The following CWC27 variants were observed in gnomAD, a reference collection of about 807,000 sequenced individuals.
CWC27 encodes spliceosome-associated protein CWC27 homolog.
CWC27 carries 47 observed loss-of-function variants against 63.6 expected under a neutral mutation model. The ratio of observed to expected loss-of-function variants is 0.74; its 90% CI spans 0.58 to 0.94. The LOEUF is 0.94. Among genes scored for constraint, CWC27 ranks in the 40% least tolerant of loss-of-function variants. CWC27 has a pLI of 0.00. For missense variants in CWC27, 495 were observed against 554.3 expected, an observed-to-expected ratio of 0.89 and a Z score of 1.07; for synonymous variants, 175 against 179.8, an observed-to-expected ratio of 0.97 and a Z score of 0.22.
intron 11 of CWC27, among the ~76,000 whole-genome samples, chr5:64,928,538 T>C (rs1307282775): frequency 6.6e-6 from 1 of 152,132 alleles, no homozygotes; most frequent in Non-Finnish European, 1.5e-5. Context: ...TTTTTTATTC[T>C]TTGTAAGTAA....
chr5:64,794,928 C>G (rs926560663), intron 7 of CWC27, among the ~76,000 whole-genome samples: 2 of 152,112 alleles, frequency 1.3e-5, no homozygotes, highest in African/African-American at 4.8e-5. Context: ...AAAAGTATCT[C>G]AATAGCTAGA....
intron 10 of CWC27, among the ~76,000 whole-genome samples, chr5:64,863,986 T>G (rs1746477958): frequency 6.6e-6 from 1 of 152,216 alleles, no homozygotes; most frequent in African/African-American, 2.4e-5. Flanking sequence ...ATTTATTATC[T>G]TGCATTCATC....
chr5:64,896,628 A>G (rs1295634818), intron 11 of CWC27, among the ~76,000 whole-genome samples: 1 of 151,970 alleles, frequency 6.6e-6, no homozygotes, highest in Non-Finnish European at 1.5e-5. Flanking sequence ...CTAACAGGAT[A>G]AGGAAGGGTC....
At chr5:64,856,580 G>C (rs574889668) in intron 10 of CWC27, among the ~76,000 whole-genome samples, 6 of 151,752 alleles carry the variant, frequency 4.0e-5, no homozygotes, top group Non-Finnish European at 8.8e-5. Flanking sequence ...TGACATTTTG[G>C]AATAAGAAAT....
At chr5:65,001,492 T>G (rs1749731222) in intron 13 of CWC27, among the ~76,000 whole-genome samples, 1 of 152,124 alleles carries the variant, frequency 6.6e-6, no homozygotes, top group South Asian at 2.1e-4. Flanking sequence ...GGTATGCTCC[T>G]TCCGTGCCTA....
intron 10 of CWC27, chr5:64,807,999 CT>C: frequency 7.2e-7 from 1 of 1,389,110 alleles, no homozygotes; most frequent in Non-Finnish European, 9.3e-7. Context: ...CGACTGGCTA[CT>C]TTCCATTTTT....
chr5:64,801,066 T>G (rs1277954900), intron 8 of CWC27, among the ~76,000 whole-genome samples: 1 of 152,198 alleles, frequency 6.6e-6, no homozygotes, highest in Non-Finnish European at 1.5e-5. Context: ...TTTGCTTTTT[T>G]CCTTTCAAAT....
chr5:64,956,582 A>C (rs1748806046), intron 11 of CWC27, among the ~76,000 whole-genome samples: 1 of 152,050 alleles, frequency 6.6e-6, no homozygotes, highest in South Asian at 2.1e-4. Flanking sequence ...AAATATCAGA[A>C]CCTCTCATGT....
intron 13 of CWC27, among the ~76,000 whole-genome samples, chr5:64,981,770 A>T (rs1416344227): frequency 2.0e-5 from 3 of 152,230 alleles, no homozygotes; most frequent in Non-Finnish European, 4.4e-5. Flanking sequence ...TAAATTTTTT[A>T]AAAATAAAAA....
intron 11 of CWC27, among the ~76,000 whole-genome samples, chr5:64,907,557 T>G (rs980165287): frequency 6.6e-6 from 1 of 152,212 alleles, no homozygotes; most frequent in Non-Finnish European, 1.5e-5. Flanking sequence ...CTTAAGGAGA[T>G]TGTGGGCTGA....
At chr5:64,901,477 A>G (rs978633071) in intron 11 of CWC27, among the ~76,000 whole-genome samples, 2 of 151,228 alleles carry the variant, frequency 1.3e-5, no homozygotes, top group Non-Finnish European at 2.9e-5. Context: ...AAAAAAAGGT[A>G]TAAAAGATAA....
At chr5:64,801,543 C>T (rs1237006719) in intron 9 of CWC27, among the ~76,000 whole-genome samples, 1 of 151,806 alleles carries the variant, frequency 6.6e-6, no homozygotes, top group Non-Finnish European at 1.5e-5. Context: ...GTGTATATCT[C>T]TCTACAACAT....
intron 2 of CWC27, among the ~76,000 whole-genome samples, chr5:64,780,114 G>A (rs1234560004): frequency 6.6e-6 from 1 of 152,078 alleles, no homozygotes; most frequent in African/African-American, 2.4e-5. Flanking sequence ...TTCCATCTCT[G>A]CAGATTTACC....
intron 10 of CWC27, chr5:64,844,818 C>T: frequency 2.3e-6 from 1 of 443,754 alleles, no homozygotes; most frequent in Non-Finnish European, 4.6e-6. Context: ...CAAACAGCCA[C>T]TCAACTCTGC....
chr5:64,987,888 G>A (rs115943932), intron 13 of CWC27, among the ~76,000 whole-genome samples: 316 of 152,160 alleles, frequency 2.1e-3, no homozygotes, highest in Admixed American at 3.2e-3. Flanking sequence ...AGTTTGATTT[G>A]CATGAGTAGG....
intron 11 of CWC27, among the ~76,000 whole-genome samples, chr5:64,905,635 G>T (rs1029046950): frequency 7.9e-5 from 12 of 152,070 alleles, no homozygotes; most frequent in Admixed American, 6.6e-4. Flanking sequence ...TAAGATACAT[G>T]ATGAAAAGTC....
At chr5:64,777,294 A>G (rs1410105885) in intron 2 of CWC27, among the ~76,000 whole-genome samples, 1 of 152,134 alleles carries the variant, frequency 6.6e-6, no homozygotes, top group Non-Finnish European at 1.5e-5. Flanking sequence ...AGTGACAAAT[A>G]TAAGCATAAA....
chr5:64,967,716 G>C (rs1183256488), intron 11 of CWC27, among the ~76,000 whole-genome samples: 1 of 151,712 alleles, frequency 6.6e-6, no homozygotes, highest in Non-Finnish European at 1.5e-5. Flanking sequence ...CTTGATGTCT[G>C]TATAGAAAAA....
chr5:64,910,134 A>G (rs1478035581), intron 11 of CWC27, among the ~76,000 whole-genome samples: 2 of 152,082 alleles, frequency 1.3e-5, no homozygotes. Context: ...CTTTTTATTG[A>G]CGTTGATGCT....
Sources: gnomAD v4.1 joint callset for allele counts (sites outside exome capture counted in the v4.1 genomes callset) on GRCh38, gnomAD v4.1.1 for gene constraint, MANE v1.5 for transcripts, NCBI Gene and HGNC (gene_info 2026-07-23, HGNC 2026-07-21) for gene names.